The following AK8 variants were observed in gnomAD, a reference collection of about 807,000 sequenced individuals.
AK8 encodes ATP-AMP transphosphorylase 8.
AK8 carries 44 observed loss-of-function variants against 54.6 expected under a neutral mutation model. The ratio of observed to expected loss-of-function variants is 0.81; its 90% CI spans 0.63 to 1.04. The LOEUF is 1.04. Among genes scored for constraint, AK8 ranks in the 50% least tolerant of loss-of-function variants. The pLI is 0.00. For missense variants in AK8, 555 were observed against 613.6 expected (o/e 0.90, Z 1.01); for synonymous variants, 239 against 245.6 (o/e 0.97, Z 0.25).
At chr9:132,732,244 C>T (rs1799686) in intron 11 of AK8, among the ~76,000 whole-genome samples, 1 of 151,960 alleles carries the variant, frequency 6.6e-6, no homozygotes, top group African/African-American at 2.4e-5. Flanking sequence ...GGATTTTGAT[C>T]TTTCAGCATT....
At chr9:132,761,284 T>TGG (rs1554787120) in intron 11 of AK8, among the ~76,000 whole-genome samples, 1 of 149,286 alleles carries the variant, frequency 6.7e-6, no homozygotes, top group African/African-American at 2.5e-5. Flanking sequence ...TTTTTTTTTT[T>TGG]GAGACAGGGT....
intron 5 of AK8, among the ~76,000 whole-genome samples, chr9:132,838,754 G>T (rs1842424087): frequency 6.6e-6 from 1 of 152,088 alleles, no homozygotes; most frequent in Admixed American, 6.6e-5. Flanking sequence ...GCCTGTTCCT[G>T]TCAGCCCTCT....
intron 5 of AK8, among the ~76,000 whole-genome samples, chr9:132,833,108 G>A (rs1362635684): frequency 6.6e-6 from 1 of 152,254 alleles, no homozygotes; most frequent in Non-Finnish European, 1.5e-5. Flanking sequence ...CCACCTGGAA[G>A]GGAGGGCGCC....
intron 5 of AK8, among the ~76,000 whole-genome samples, chr9:132,831,749 T>G (rs1344990050): frequency 6.6e-6 from 1 of 152,120 alleles, no homozygotes; most frequent in Admixed American, 6.6e-5. Context: ...GAGATGTCTT[T>G]CTTTAAAAAC....
intron 3 of AK8, among the ~76,000 whole-genome samples, chr9:132,865,291 G>C (rs1012405746): frequency 7.2e-5 from 11 of 152,218 alleles, no homozygotes; most frequent in African/African-American, 2.2e-4. Context: ...AACTCCAAAA[G>C]TATAGCAGAT....
intron 11 of AK8, among the ~76,000 whole-genome samples, chr9:132,774,081 C>T (rs1304668845): frequency 2.6e-5 from 4 of 152,148 alleles, no homozygotes; most frequent in Admixed American, 2.6e-4. Flanking sequence ...ACCTTCTACT[C>T]TGGGAGGGGC....
chr9:132,847,946 T>C (rs1033773827), intron 5 of AK8, among the ~76,000 whole-genome samples: 1 of 151,588 alleles, frequency 6.6e-6, no homozygotes, highest in Admixed American at 6.6e-5. Context: ...ACCACGACTC[T>C]ACAAACAATA....
At chr9:132,852,332 G>A (rs918355800) in intron 5 of AK8, among the ~76,000 whole-genome samples, 19 of 152,088 alleles carry the variant, frequency 1.2e-4, no homozygotes, top group African/African-American at 2.2e-4. Context: ...AAATTGGGCC[G>A]GGCGCGGTGG....
chr9:132,838,834 C>T (rs1164737880), intron 5 of AK8, among the ~76,000 whole-genome samples: 2 of 152,178 alleles, frequency 1.3e-5, no homozygotes, highest in African/African-American at 4.8e-5. Flanking sequence ...TTGAAAACAT[C>T]ATAGGACAGT....
At chr9:132,822,371 G>A (rs991034612) in intron 9 of AK8, among the ~76,000 whole-genome samples, 2 of 150,080 alleles carry the variant, frequency 1.3e-5, no homozygotes, top group Non-Finnish European at 3.0e-5. Context: ...ATATTTGTAG[G>A]TATATTTGTG....
rs1564453648 is a variant in AK8 at position 132,878,059 on chromosome 9, C to A, written c.84+113G>T. 6 of 1,535,766 alleles carry A rather than the reference C, an allele frequency of 3.9e-6. No homozygotes were observed. The highest frequency in any genetic ancestry group is 5.3e-6 in the Non-Finnish European group (6 of 1,135,996). ...GAATCGTACATCCCGAGTTGGGCTG[C>A]TTCGTGGGCGCGCGACTCGGCCCCA... On this transcript the variant is annotated intron_variant, in intron 1 of 12. Transcript: ENST00000298545. The surrounding 1 kb of genome is among the most constrained non-coding windows in gnomAD (Gnocchi z 4.7).
At chr9:132,734,816 G>A (rs892422983) in intron 11 of AK8, among the ~76,000 whole-genome samples, 2 of 152,250 alleles carry the variant, frequency 1.3e-5, no homozygotes, top group Non-Finnish European at 2.9e-5. Context: ...GATCACCTGA[G>A]GTCAAGAGTT....
chr9:132,788,448 A>G (rs1031308750), intron 11 of AK8, among the ~76,000 whole-genome samples: 1 of 152,206 alleles, frequency 6.6e-6, no homozygotes, highest in Non-Finnish European at 1.5e-5. Context: ...GGGGTAGATA[A>G]TTAGCTGTCT....
intron 11 of AK8, among the ~76,000 whole-genome samples, chr9:132,734,832 C>T (rs1008409310): frequency 1.3e-5 from 2 of 152,102 alleles, no homozygotes; most frequent in Non-Finnish European, 2.9e-5. Flanking sequence ...GAGTTTGAGA[C>T]CAGACTGGCC....
At chr9:132,829,083 A>T (rs551670718) in intron 5 of AK8, among the ~76,000 whole-genome samples, 19 of 152,092 alleles carry the variant, frequency 1.2e-4, no homozygotes, top group Admixed American at 4.6e-4. Context: ...CAGCCTCCCA[A>T]GTAGCTGGGA....
At chr9:132,870,368 T>C (rs943265564) in intron 2 of AK8, among the ~76,000 whole-genome samples, 2 of 152,242 alleles carry the variant, frequency 1.3e-5, no homozygotes, top group African/African-American at 2.4e-5. Context: ...AGTAATCAAC[T>C]TCTTCCAACC....
intron 8 of AK8, among the ~76,000 whole-genome samples, chr9:132,823,568 G>A (rs562863198): frequency 2.8e-4 from 42 of 152,294 alleles, no homozygotes; most frequent in African/African-American, 9.9e-4. Context: ...CTGGAGCGCC[G>A]CCCTGGATTC....
intron 11 of AK8, among the ~76,000 whole-genome samples, chr9:132,761,613 T>G (rs989858297): frequency 6.6e-6 from 1 of 152,150 alleles, no homozygotes; most frequent in Non-Finnish European, 1.5e-5. Flanking sequence ...TATGAATGTA[T>G]CTGTTTTATC....
chr9:132,797,263 A>G (rs1197615842), intron 10 of AK8, among the ~76,000 whole-genome samples: 1 of 150,372 alleles, frequency 6.7e-6, no homozygotes, highest in Non-Finnish European at 1.5e-5. Flanking sequence ...CACCTGGCAC[A>G]GTACTGGGCC....
Sources: allele counts gnomAD v4.1 joint callset (sites outside exome capture counted in the v4.1 genomes callset), GRCh38; gene constraint gnomAD v4.1.1; non-coding constraint Gnocchi (gnomAD v3.1); transcripts MANE v1.5; gene names NCBI Gene and HGNC (gene_info 2026-07-23, HGNC 2026-07-21).